OLFM3: variants seen among roughly 807,000 people sequenced by gnomAD.
OLFM3 encodes noelin-3.
A neutral mutation model predicts 48.6 loss-of-function variants in OLFM3; 20 were observed. The ratio of observed to expected loss-of-function variants is 0.41; its 90% CI spans 0.29 to 0.60. The LOEUF (loss-of-function observed/expected upper bound fraction) is 0.60, where lower values mean the gene tolerates loss of function less well. Ranked by LOEUF, OLFM3 falls within the 20% of genes least tolerant of loss-of-function variation. The probability of loss-of-function intolerance (pLI) is 0.28; values close to 1 mark genes in which losing one functional copy is unlikely to be tolerated. For missense variants in OLFM3, 437 were observed against 544.3 expected, an observed-to-expected ratio of 0.80 and a Z score of 1.96; for synonymous variants, 222 against 198.1, an observed-to-expected ratio of 1.12 and a Z score of -1.01.
intron 1 of OLFM3, among the ~76,000 whole-genome samples, chr1:101,919,104 A>T (rs1659013748): frequency 6.6e-6 from 1 of 152,218 alleles, no homozygotes; most frequent in Non-Finnish European, 1.5e-5. Context: ...TCAGAAAGCA[A>T]AAACAACTGG....
intron 1 of OLFM3, among the ~76,000 whole-genome samples, chr1:101,983,609 C>T (rs1251695642): frequency 6.6e-6 from 1 of 152,192 alleles, no homozygotes; most frequent in African/African-American, 2.4e-5. Flanking sequence ...GCCAATAGTC[C>T]AGCCTATCCC....
chr1:101,971,916 T>G (rs1210135289), intron 1 of OLFM3, among the ~76,000 whole-genome samples: 2 of 151,722 alleles, frequency 1.3e-5, no homozygotes, highest in African/African-American at 4.8e-5. Context: ...GTGTTTGTTT[T>G]TATGTATTTT....
At chr1:101,969,693 C>T (rs886163486) in intron 1 of OLFM3, among the ~76,000 whole-genome samples, 3 of 152,064 alleles carry the variant, frequency 2.0e-5, no homozygotes, top group Admixed American at 6.5e-5. Flanking sequence ...CAAATCTTTT[C>T]TAGATTTGCC....
At chr1:101,849,746 T>A (rs116784516) in intron 1 of OLFM3, among the ~76,000 whole-genome samples, 1 of 152,198 alleles carries the variant, frequency 6.6e-6, no homozygotes, top group Admixed American at 6.5e-5. Flanking sequence ...TGCACAACAA[T>A]TGGCAGTCCT....
At position 101,824,840 on chromosome 1, in the gene OLFM3, A is replaced by C. The variant is rs145194344; in HGVS notation, c.592+186T>G. On this transcript the variant is annotated intron_variant, in intron 4 of 5. Coordinates refer to ENST00000370103, the MANE Select transcript of OLFM3 (RefSeq NM_058170.4). The stretch of plus-strand genomic sequence containing the variant: ...GTAACACAGGGCTCTAAAAATCAAG[A>C]AACCATTAGTCTAGCACAGAGTACC... Among the ~76,000 whole-genome samples the C allele has an allele frequency of 1.9e-4, 29 of 152,328 alleles. No homozygotes were observed. The East Asian group carries it at 5.4e-3, about 28-fold the overall frequency.
intron 1 of OLFM3, among the ~76,000 whole-genome samples, chr1:101,947,971 A>G (rs367992358): frequency 6.6e-6 from 1 of 152,200 alleles, no homozygotes; most frequent in Non-Finnish European, 1.5e-5. Flanking sequence ...GACCAAGCCA[A>G]CTTTTGCCAC....
intron 1 of OLFM3, among the ~76,000 whole-genome samples, chr1:101,861,073 T>A (rs952186796): frequency 1.3e-5 from 2 of 152,074 alleles, no homozygotes; most frequent in Non-Finnish European, 2.9e-5. Context: ...TGATTATATT[T>A]TTTTTTGAGA....
chr1:101,930,286 T>G (rs1170310188), intron 1 of OLFM3, among the ~76,000 whole-genome samples: 1 of 152,214 alleles, frequency 6.6e-6, no homozygotes, highest in Non-Finnish European at 1.5e-5. Flanking sequence ...AGGCAAGTAC[T>G]GGCATCTTAC....
At chr1:101,936,217 C>G (rs1489599592) in intron 1 of OLFM3, among the ~76,000 whole-genome samples, 6 of 151,964 alleles carry the variant, frequency 3.9e-5, no homozygotes, top group African/African-American at 1.5e-4. Flanking sequence ...CTTAGTAAAC[C>G]CTATAGTCTT....
At chr1:101,988,355 G>A (rs768708832) in intron 1 of OLFM3, among the ~76,000 whole-genome samples, 8 of 152,088 alleles carry the variant, frequency 5.3e-5, no homozygotes, top group Non-Finnish European at 1.2e-4. Flanking sequence ...CAGGAGTATT[G>A]AAGTTGCAGC....
chr1:101,950,949 G>A (rs4506481), intron 1 of OLFM3, among the ~76,000 whole-genome samples: 79,453 of 151,922 alleles, frequency 0.52, 21,173 homozygotes, highest in Middle Eastern at 0.62. Flanking sequence ...GTAAACTCTC[G>A]ATGTCCCAGT....
At chr1:101,968,155 C>T (rs1244577830) in intron 1 of OLFM3, among the ~76,000 whole-genome samples, 5 of 152,120 alleles carry the variant, frequency 3.3e-5, no homozygotes, top group Non-Finnish European at 5.9e-5. Context: ...CTAGAATGAA[C>T]AGCACATAAC....
intron 1 of OLFM3, among the ~76,000 whole-genome samples, chr1:101,883,443 A>G (rs1405824522): frequency 6.6e-6 from 1 of 151,726 alleles, no homozygotes; most frequent in Non-Finnish European, 1.5e-5. Context: ...ATTTCAAGCC[A>G]TTTCTTATTC....
Position 101,968,994 on chromosome 1 carries a change from C to T in OLFM3, c.69+27754G>A, listed in dbSNP as rs557776312. On this transcript the variant is annotated intron_variant, in intron 1 of 5. Coordinates refer to ENST00000370103, the MANE Select transcript of OLFM3 (RefSeq NM_058170.4). Reference sequence around the variant, plus strand: ...TGCCTTTTTCTTCCTTCTCCTATCTCTACTTCAATGTTTACAGATTCTGTG... The same window carrying T: ...TGCCTTTTTCTTCCTTCTCCTATCTTTACTTCAATGTTTACAGATTCTGTG... 5.3e-5 allele frequency among the ~76,000 whole-genome samples: 8 copies of T among 152,326 alleles called. No individual in the cohort carries two copies. In the East Asian group the frequency reaches 1.5e-3, roughly 29 times the overall value.
At chr1:101,912,744 A>T (rs1026062651) in intron 1 of OLFM3, among the ~76,000 whole-genome samples, 10 of 152,334 alleles carry the variant, frequency 6.6e-5, no homozygotes, top group African/African-American at 2.4e-4. Context: ...TTATGATATT[A>T]TCTAAATTTC....
At chr1:101,915,483 A>T (rs1052219437) in intron 1 of OLFM3, among the ~76,000 whole-genome samples, 9 of 152,042 alleles carry the variant, frequency 5.9e-5, no homozygotes, top group African/African-American at 2.2e-4. Context: ...AAAATTCCTT[A>T]TTTTTAATAG....
chr1:101,943,785 T>C (rs1659865268), intron 1 of OLFM3, among the ~76,000 whole-genome samples: 1 of 152,158 alleles, frequency 6.6e-6, no homozygotes, highest in Non-Finnish European at 1.5e-5. Flanking sequence ...TACCATTAAG[T>C]GTGTATTTGC....
intron 1 of OLFM3, among the ~76,000 whole-genome samples, chr1:101,869,294 C>T (rs994125637): frequency 2.0e-5 from 3 of 152,146 alleles, no homozygotes; most frequent in Non-Finnish European, 2.9e-5. Context: ...CTCTGGGAGC[C>T]CACCTCTTAC....
intron 1 of OLFM3, among the ~76,000 whole-genome samples, chr1:101,960,572 G>A (rs1660437482): frequency 1.3e-5 from 2 of 152,210 alleles, no homozygotes; most frequent in South Asian, 4.1e-4. Flanking sequence ...TATTGCAACA[G>A]AGCAGTCTGG....
Sources: allele counts gnomAD v4.1 joint callset (sites outside exome capture counted in the v4.1 genomes callset), GRCh38; gene constraint gnomAD v4.1.1; transcripts MANE v1.5; gene names NCBI Gene and HGNC (gene_info 2026-07-23, HGNC 2026-07-21).